PRR14L: variants seen among roughly 807,000 people sequenced by gnomAD.
PRR14L encodes the protein protein PRR14L.
A neutral mutation model predicts 155.0 loss-of-function variants in PRR14L; 80 were observed. The ratio of observed to expected loss-of-function variants is 0.52; its 90% CI spans 0.43 to 0.62. PRR14L has a LOEUF of 0.62. PRR14L is among the 20% of genes least tolerant of loss of function. PRR14L has a pLI of 0.00. For synonymous variants in PRR14L, 883 were observed against 916.0 expected (o/e 0.96, Z 0.65); for missense variants, 2,469 against 2,548.0 (o/e 0.97, Z 0.67).
intron 7 of PRR14L, among the ~76,000 whole-genome samples, chr22:31,700,013 A>G (rs1349973342): frequency 1.3e-5 from 2 of 152,186 alleles, no homozygotes; most frequent in Non-Finnish European, 2.9e-5. Context: ...CTCTAAGGGA[A>G]AGAGGATCTG....
At chr22:31,719,438 C>G (rs113348561) in intron 3 of PRR14L, among the ~76,000 whole-genome samples, 1 of 150,668 alleles carries the variant, frequency 6.6e-6, no homozygotes, top group Non-Finnish European at 1.5e-5. Flanking sequence ...AAAAAAAGAA[C>G]AAAAAATCTA....
At chr22:31,728,609 G>GA (rs747588484) in intron 2 of PRR14L, among the ~76,000 whole-genome samples, 18,547 of 93,954 alleles carry the variant, frequency 0.2, 1,393 homozygotes, top group Admixed American at 0.29. Context: ...ACTTCATCTC[G>GA]AAAAAAAAAA....
chr22:31,712,727 G>A lies in PRR14L; in HGVS notation c.5112C>T (p.Ser1704=). Residue 1704 remains serine (S), a synonymous_variant, in exon 4 of 9, where the codon AGC becomes AGT. Coordinates refer to ENST00000327423, the MANE Select transcript of PRR14L (RefSeq NM_173566.3). ...ESIKMTFIDL[S]NKMPSLLFGS... ...CAAACAGCAGGGACGGCATCTTGTT[G>A]CTCAAATCTATGAAGGTCATCTTGA... 6.4e-7 allele frequency: 1 copy of A among 1,551,768 alleles called. No individual in the cohort carries two copies. The highest frequency in any genetic ancestry group is 8.7e-7 in the Non-Finnish European group (1 of 1,147,010).
At chr22:31,719,471 T>C (rs1005226800) in intron 3 of PRR14L, among the ~76,000 whole-genome samples, 1 of 152,114 alleles carries the variant, frequency 6.6e-6, no homozygotes, top group Admixed American at 6.6e-5. Context: ...TACTAGAATG[T>C]AAACTCTGTG....
At position 31,714,611 on chromosome 22, in the gene PRR14L, T is replaced by G. The variant is rs1792722179; in HGVS notation, c.3228A>C (p.Leu1076=). ...EGVLDVKASN[L]LDCGARQEKL... is the part of the protein sequence containing the mutation. ...TCTCTTGCCTTGCACCACAATCCAGTAGATTAGATGCCTTCACGTCCAGCA... is the reference window on the plus strand; with the variant it reads ...TCTCTTGCCTTGCACCACAATCCAGGAGATTAGATGCCTTCACGTCCAGCA... The change falls in exon 4 of 9, where the codon CTA becomes CTC. Residue 1076 remains leucine, a synonymous_variant. Transcript: ENST00000327423. 1 of 1,551,990 alleles carries G rather than the reference T, an allele frequency of 6.4e-7. No homozygotes were observed. Among genetic ancestry groups the G allele is most frequent in the Admixed American group, 2.0e-5 (1 of 50,996 alleles).
intron 4 of PRR14L, among the ~76,000 whole-genome samples, chr22:31,709,534 T>G (rs1194716992): frequency 1.4e-3 from 70 of 50,102 alleles, no homozygotes; most frequent in South Asian, 2.6e-3. Context: ...GCCTGTGGGG[T>G]TTTTTTTTTT....
At chr22:31,721,349 A>G (rs1392222937) in intron 3 of PRR14L, among the ~76,000 whole-genome samples, 1 of 152,202 alleles carries the variant, frequency 6.6e-6, no homozygotes, top group South Asian at 2.1e-4. Flanking sequence ...AAAAGGTTCA[A>G]TCTGGTCAGG....
chr22:31,713,874 T>C lies in PRR14L; in HGVS notation c.3965A>G (p.His1322Arg), dbSNP rs1026537616. The C allele has an allele frequency of 1.7e-5, 26 of 1,552,072 alleles. No individual in the cohort carries two copies. In the East Asian group the frequency reaches 4.9e-4, roughly 29 times the overall value. Residue 1322 changes from histidine to arginine, a missense_variant, in exon 4 of 9, where the codon CAT becomes CGT. Physicochemically the swap from His to Arg is conservative, Grantham distance 29. This residue lies in a region of PRR14L where 2,363 missense variants were observed against 2,371.6 expected (regional missense o/e 1.00). Coordinates refer to ENST00000327423, the MANE Select transcript of PRR14L (RefSeq NM_173566.3). The part of the protein sequence containing the change: ...CHPHENSSDR[H>R]LPLTVKTDIK... ...ATCTGTTTTCACTGTCAAAGGCAAA[T>C]GTCTGTCAGAGGAATTCTCGTGAGG... is the stretch of plus-strand genomic sequence containing the variant.
chr22:31,734,657 C>T (rs1420425645), intron 2 of PRR14L, among the ~76,000 whole-genome samples: 1 of 152,202 alleles, frequency 6.6e-6, no homozygotes, highest in Non-Finnish European at 1.5e-5. Flanking sequence ...TTGCTGAAGG[C>T]TTCTCTCACG....
Position 31,713,282 on chromosome 22 carries a change from CTTT to C in PRR14L, c.4554_4556del (p.Lys1520del). ...TCTTACAAGTTCGATGGGGCTGCTT[CTTT>C]AAGGGAAGAACTCCTTTCTTCGCAA... On this transcript the variant is annotated inframe_deletion, in exon 4 of 9. Transcript: ENST00000327423. 1 of 1,552,234 alleles carries C rather than the reference CTTT, an allele frequency of 6.4e-7. No homozygotes were observed. The highest frequency in any genetic ancestry group is 8.7e-7 in the Non-Finnish European group (1 of 1,147,124).
rs754029056 is a variant in PRR14L at position 31,712,848 on chromosome 22, G to A, written c.4991C>T (p.Ser1664Leu). The stretch of plus-strand genomic sequence containing the variant: ...TGGATTCAGCTGCTCTGTGCTGGAT[G>A]AAAATCCGTCCAGGAGTCTTTTATA... ...LRYKRLLDGFSSSTEQLNPYL... is the reference protein window; with the variant it reads ...LRYKRLLDGFLSSTEQLNPYL... The change falls in exon 4 of 9, where the codon TCA (serine) becomes TTA (leucine). Residue 1664 changes from serine (S) to leucine (L), a missense_variant. Physicochemically the swap from Ser to Leu is moderately radical, Grantham distance 145 (BLOSUM62 -2). Transcript: ENST00000327423. 4.5e-6 allele frequency: 7 copies of A among 1,552,046 alleles called. No individual in the cohort carries two copies. The South Asian group carries it at 7.1e-5, about 16-fold the overall frequency.
rs1356146603 is a variant in PRR14L, at chr22:31,712,066, CAG to C, written c.5756+15_5756+16del. ...GCAAATATGGGACATTTGTAAAGAA[CAG>C]GGGACAGATTTTACCTGCTTGTGGT... On this transcript the variant is annotated intron_variant, in intron 4 of 8. Transcript: ENST00000327423. The C allele has an allele frequency of 1.4e-5, 22 of 1,591,930 alleles. No individual in the cohort carries two copies. The highest frequency in any genetic ancestry group is 1.7e-5 in the Non-Finnish European group (20 of 1,169,240).
Position 31,725,525 on chromosome 22 carries a change from G to T in PRR14L, c.547+13C>A. The stretch of plus-strand genomic sequence containing the variant: ...TAAGTGGATAAAGGAAGAGATTTGA[G>T]AGAAATAAATACCTTTGCTCCTTAG... On this transcript the variant is annotated intron_variant, in intron 3 of 8. Coordinates refer to ENST00000327423, the MANE Select transcript of PRR14L (RefSeq NM_173566.3). 1 of 1,520,024 alleles carries T rather than the reference G, an allele frequency of 6.6e-7. No homozygotes were observed. The highest frequency in any genetic ancestry group is 8.9e-7 in the Non-Finnish European group (1 of 1,118,496). 94.2% of individuals were successfully genotyped at this position (1,520,024 alleles called of 1,614,324 possible).
chr22:31,687,327 C>T (rs2074487070), intron 8 of PRR14L, among the ~76,000 whole-genome samples: 1 of 150,270 alleles, frequency 6.7e-6, no homozygotes, highest in Non-Finnish European at 1.5e-5. Context: ...TCAGCCACTG[C>T]ACCTGGCTGA....
chr22:31,719,657 G>C (rs2074679644), intron 3 of PRR14L, among the ~76,000 whole-genome samples: 1 of 151,860 alleles, frequency 6.6e-6, no homozygotes, highest in Non-Finnish European at 1.5e-5. Context: ...TTCTCAATAG[G>C]TCCTGAGAGC....
intron 4 of PRR14L, among the ~76,000 whole-genome samples, chr22:31,707,174 T>C (rs2074596638): frequency 6.6e-6 from 1 of 152,136 alleles, no homozygotes; most frequent in Admixed American, 6.6e-5. Context: ...CTACCTTCCA[T>C]TTGAATTTAA....
chr22:31,741,018 C>T (rs534724371), intron 1 of PRR14L, among the ~76,000 whole-genome samples: 17 of 152,042 alleles, frequency 1.1e-4, no homozygotes, highest in Middle Eastern at 3.4e-3. Context: ...CTTTGGGAGG[C>T]CGAGAGGGGC....
chr22:31,688,680 A>G (rs921499318), intron 7 of PRR14L, among the ~76,000 whole-genome samples: 1 of 152,096 alleles, frequency 6.6e-6, no homozygotes, highest in Admixed American at 6.6e-5. Flanking sequence ...TCATAGATTT[A>G]TATCTACTTT....
Position 31,681,583 on chromosome 22 carries a change from T to G in PRR14L, c.*3944A>C, listed in dbSNP as rs1440436816. The G allele has an allele frequency of 1.3e-5, 2 of 152,058 alleles. No homozygotes were observed. The highest frequency in any genetic ancestry group is 2.9e-5 in the Non-Finnish European group (2 of 68,020). 9.4% of individuals were successfully genotyped at this position (152,058 alleles called of 1,614,324 possible). ...AGATGCTGAGGCCTCTCACCAAGAA[T>G]TCAAATCCAATTCAGCACCAGAGAG... On this transcript the variant is annotated 3_prime_UTR_variant, in exon 9 of 9. Coordinates refer to ENST00000327423, the MANE Select transcript of PRR14L (RefSeq NM_173566.3).
Sources: gnomAD v4.1 joint callset for allele counts (sites outside exome capture counted in the v4.1 genomes callset) on GRCh38, gnomAD v4.1.1 for gene constraint, gnomAD v4.1.1 regional missense constraint, MANE v1.5 for transcripts, NCBI Gene and HGNC (gene_info 2026-07-23, HGNC 2026-07-21) for gene names.